The following TRIM55 variants were observed in gnomAD, a reference collection of about 807,000 sequenced individuals.
TRIM55 encodes the protein tripartite motif-containing protein 55.
Under a neutral mutation model 60.9 loss-of-function variants are expected in TRIM55, and 50 were observed. That is an observed-to-expected ratio of 0.82 (90% CI 0.65 to 1.04). The LOEUF (loss-of-function observed/expected upper bound fraction) is 1.04, where lower values mean the gene tolerates loss of function less well. Ranked by LOEUF, TRIM55 falls within the 50% of genes least tolerant of loss-of-function variation. TRIM55 has a pLI of 0.00. For synonymous variants in TRIM55, 237 were observed against 238.1 expected (o/e 1.00, Z 0.04); for missense variants, 681 against 666.9 (o/e 1.02, Z -0.23).
chr8:66,114,900 T>C, the TRIM55 span: 10 of 289,680 alleles, frequency 3.5e-5, no homozygotes, highest in Non-Finnish European at 6.9e-5. Context: ...AGAGAATTAA[T>C]TGGATAAAAG....
intron 9 of TRIM55, among the ~76,000 whole-genome samples, chr8:66,165,908 G>T (rs1811304751): frequency 6.6e-6 from 1 of 151,760 alleles, no homozygotes; most frequent in Non-Finnish European, 1.5e-5. Context: ...CATTATTAAT[G>T]CTTTTTCATT....
At position 66,154,157 on chromosome 8, in the gene TRIM55, A is replaced by C; in HGVS notation, c.1347A>C (p.Gln449His). 1.2e-6 allele frequency: 2 copies of C among 1,614,138 alleles called. No individual in the cohort carries two copies. The highest frequency in any genetic ancestry group is 2.2e-5 in the South Asian group (2 of 91,076). ...TTTACCCTAGTTGGTATAAAGGCCA[A>C]ACCCGGAAAGCCACCACCAACCCAC... is the stretch of plus-strand genomic sequence containing the variant. ...PLFYPSWYKG[Q>H]TRKATTNPPC... The change falls in exon 9 of 10, where the codon CAA (glutamine) becomes CAC (histidine). Residue 449 changes from glutamine to histidine, a missense_variant. Coordinates refer to ENST00000315962, the MANE Select transcript of TRIM55 (RefSeq NM_184085.2).
intron 9 of TRIM55, among the ~76,000 whole-genome samples, chr8:66,160,289 C>T (rs777709685): frequency 1.5e-4 from 23 of 152,044 alleles, no homozygotes; most frequent in Non-Finnish European, 2.8e-4. Flanking sequence ...ATAATAGTCT[C>T]CAATTCCATC....
intron 4 of TRIM55, among the ~76,000 whole-genome samples, chr8:66,139,585 TG>T (rs1442136486): frequency 6.6e-6 from 1 of 152,186 alleles, no homozygotes; most frequent in Non-Finnish European, 1.5e-5. Flanking sequence ...AAGAACGTCC[TG>T]GCAGGGAAGG....
chr8:66,131,922 C>G (rs561992146), intron 2 of TRIM55, among the ~76,000 whole-genome samples: 99 of 152,224 alleles, frequency 6.5e-4, no homozygotes, highest in African/African-American at 1.8e-3. Flanking sequence ...TGATTTATGC[C>G]CTTTTATTTC....
chr8:66,171,508 T>C (rs979873606), intron 9 of TRIM55, among the ~76,000 whole-genome samples: 7 of 152,212 alleles, frequency 4.6e-5, no homozygotes, highest in Admixed American at 1.3e-4. Flanking sequence ...GACTGTAATA[T>C]GGACTATCAA....
the TRIM55 span, among the ~76,000 whole-genome samples, chr8:66,117,705 C>G: frequency 0.36 from 54,020 of 149,614 alleles, 13,593 homozygotes; most frequent in African/African-American, 0.72. Context: ...TTAAGAGGGT[C>G]GGGTGGAGGA....
In TRIM55 at chr8:66,149,799, A is replaced by T. The variant is rs1402720241; in HGVS notation, c.758A>T (p.Asp253Val). 10 of 1,614,214 alleles carry T rather than the reference A, an allele frequency of 6.2e-6. No individual in the cohort carries two copies. Among genetic ancestry groups the T allele is most frequent in the African/African-American group, 1.3e-5 (1 of 75,062 alleles). ...HVRALIKKYS[D>V]HLENVSKLVE... ...CGTGCTCTGATCAAAAAGTATTCTG[A>T]TCATTTGGAGAACGTCTCAAAGTTG... The change falls in exon 5 of 10, where the codon GAT becomes GTT. Residue 253 changes from aspartate (D) to valine (V), a missense_variant. Physicochemically the swap from Asp to Val is radical, Grantham distance 152 (BLOSUM62 -3). Transcript: ENST00000315962.
chr8:66,141,863 A>C (rs1020112686), intron 4 of TRIM55, among the ~76,000 whole-genome samples: 1 of 152,242 alleles, frequency 6.6e-6, no homozygotes, highest in Non-Finnish European at 1.5e-5. Flanking sequence ...CAAAATGACC[A>C]TTTCTAGTCT....
At chr8:66,125,559 C>T (rs937493557), upstream of TRIM55, among the ~76,000 whole-genome samples, 3 of 152,196 alleles carry the variant, frequency 2.0e-5, no homozygotes, top group African/African-American at 7.2e-5. Context: ...ACATATTGTA[C>T]TCAGACCTCC....
intron 4 of TRIM55, among the ~76,000 whole-genome samples, chr8:66,146,869 C>A (rs1020620517): frequency 6.6e-6 from 1 of 152,162 alleles, no homozygotes; most frequent in Non-Finnish European, 1.5e-5. Flanking sequence ...CTGCATGGGC[C>A]CTTGTTCCAT....
chr8:66,155,861 C>G, intron 9 of TRIM55: 1 of 619,100 alleles, frequency 1.6e-6, no homozygotes. Context: ...CTGGAGGCCT[C>G]AAGCTCACAC....
chr8:66,118,612 T>A, the TRIM55 span, among the ~76,000 whole-genome samples: 1 of 152,158 alleles, frequency 6.6e-6, no homozygotes, highest in Admixed American at 6.5e-5. Flanking sequence ...CTGGGTTATA[T>A]TTTTTGGAAT....
chr8:66,161,406 C>G (rs1449032054), intron 9 of TRIM55, among the ~76,000 whole-genome samples: 1 of 152,034 alleles, frequency 6.6e-6, no homozygotes, highest in Non-Finnish European at 1.5e-5. Flanking sequence ...TATACCAGTA[C>G]CATGCTGTTT....
intron 4 of TRIM55, among the ~76,000 whole-genome samples, chr8:66,144,501 C>T (rs1038034865): frequency 1.4e-4 from 21 of 152,172 alleles, no homozygotes; most frequent in Non-Finnish European, 1.2e-4. Flanking sequence ...AGAGTATACC[C>T]GGAGACCAAT....
intron 4 of TRIM55, among the ~76,000 whole-genome samples, chr8:66,141,312 G>A (rs922298057): frequency 7.2e-5 from 11 of 152,202 alleles, no homozygotes; most frequent in Admixed American, 4.6e-4. Context: ...GAACTGAGCC[G>A]TGAGTCTTTT....
At chr8:66,152,759 A>T in intron 8 of TRIM55, 132 bp downstream of exon 8, 1 of 1,239,898 alleles carries the variant, frequency 8.1e-7, no homozygotes, top group Non-Finnish European at 1.1e-6. Flanking sequence ...GGTAGACGAA[A>T]GATTTCAGGA....
chr8:66,133,227 C>G (rs575390338), intron 2 of TRIM55, among the ~76,000 whole-genome samples: 1 of 152,284 alleles, frequency 6.6e-6, no homozygotes, highest in African/African-American at 2.4e-5. Context: ...CCCAGGCTTT[C>G]CCCATATTTG....
Position 66,147,501 on chromosome 8 carries a change from A to G in TRIM55, c.604-2144A>G, listed in dbSNP as rs148009171. Reference sequence around the variant, plus strand: ...TTGAGAGGAAATGAAACACATTAAAAAAAAAATCTATTCCGCCAGGATTGG... The same window carrying G: ...TTGAGAGGAAATGAAACACATTAAAGAAAAAATCTATTCCGCCAGGATTGG... On this transcript the variant is annotated intron_variant, in intron 4 of 9. Transcript: ENST00000315962. Among the ~76,000 whole-genome samples the G allele has an allele frequency of 3.1e-3, 467 of 152,326 alleles. 4 individuals carry two copies. The highest frequency in any genetic ancestry group is 0.011 in the African/African-American group (449 of 41,564).
Sources: allele counts gnomAD v4.1 joint callset (sites outside exome capture counted in the v4.1 genomes callset), GRCh38; gene constraint gnomAD v4.1.1; transcripts MANE v1.5; gene names NCBI Gene and HGNC (gene_info 2026-07-23, HGNC 2026-07-21).